The following ARHGEF19 variants were observed in gnomAD, a reference collection of about 807,000 sequenced individuals.
ARHGEF19 encodes the protein Rho guanine nucleotide exchange factor 19.
A neutral mutation model predicts 87.6 loss-of-function variants in ARHGEF19; 92 were observed. The ratio of observed to expected loss-of-function variants is 1.05; its 90% confidence interval spans 0.89 to 1.25. The LOEUF is 1.25. Among genes scored for constraint, ARHGEF19 ranks in the 50% most tolerant of loss-of-function variants. The probability of loss-of-function intolerance (pLI) is 0.00; values close to 1 mark genes in which losing one functional copy is unlikely to be tolerated. For missense variants in ARHGEF19, 1,054 were observed against 1,051.8 expected (o/e 1.00, Z -0.03); for synonymous variants, 438 against 446.2 (o/e 0.98, Z 0.23).
rs374851282 is a variant in ARHGEF19 at position 16,207,947 on chromosome 1, C to G, written c.691G>C (p.Glu231Gln). ...ISGSGTGAAR[E>Q]GKASGMEARS... ...GGCCCATGGGAGGAGCTGGTACCTT[C>G]CCGGGCTGCTCCGGTGCCTGACCCA... Residue 231 changes from glutamate to glutamine, a missense_variant, in exon 3 of 16, where the codon GAA (glutamate) becomes CAA (glutamine). Coordinates refer to ENST00000270747, the MANE Select transcript of ARHGEF19 (RefSeq NM_153213.5). The surrounding 1 kb of genome is among the most constrained non-coding windows in gnomAD (Gnocchi z 4.0). 10 of 1,598,652 alleles carry G rather than the reference C, an allele frequency of 6.3e-6. No homozygotes were observed. In the African/African-American group the frequency reaches 1.3e-4, roughly 22 times the overall value.
chr1:16,211,729 G>A (rs1207401347), intron 1 of ARHGEF19, among the ~76,000 whole-genome samples: 1 of 152,198 alleles, frequency 6.6e-6, no homozygotes, highest in Non-Finnish European at 1.5e-5. Context: ...CAATGCTGGG[G>A]AGCTAAGAGG....
rs369479884 is a variant in ARHGEF19 at position 16,203,691 on chromosome 1, A to C, written c.1907+1068T>G. ...TCCCAAACACACATTCCGCTCTTCT[A>C]CCCTACCATGACTCTGCTGTACTCC... On this transcript the variant is annotated intron_variant, in intron 12 of 15. Transcript: ENST00000270747. Among the ~76,000 whole-genome samples the C allele has an allele frequency of 4.9e-4, 74 of 152,192 alleles. No homozygotes were observed. In the South Asian group the frequency reaches 0.011, roughly 23 times the overall value.
chr1:16,203,024 A>G (rs1462092793), intron 12 of ARHGEF19, among the ~76,000 whole-genome samples: 1 of 151,962 alleles, frequency 6.6e-6, no homozygotes, highest in Non-Finnish European at 1.5e-5. Context: ...CGTCTGTTCC[A>G]AAGAGCCAAC....
chr1:16,209,087 C>T lies in ARHGEF19; in HGVS notation c.-29-4G>A, dbSNP rs1358050729. The T allele has an allele frequency of 2.8e-6, 4 of 1,436,122 alleles. No homozygotes were observed. The Admixed American group carries it at 9.2e-5, about 33-fold the overall frequency. 89.0% of individuals were successfully genotyped at this position (1,436,122 alleles called of 1,614,324 possible). ...TTGCTCTGCCACCCACCTGGCCCTG[C>T]AGAAGAGAAGATATCAGACCTAGAC... On this transcript the variant is annotated splice_polypyrimidine_tract_variant and splice_region_variant and intron_variant, in intron 1 of 15. Transcript: ENST00000270747.
chr1:16,205,386 C>A lies in ARHGEF19; in HGVS notation c.1621G>T (p.Asp541Tyr), dbSNP rs1272836034. Residue 541 changes from aspartate to tyrosine, a missense_variant, in exon 10 of 16, where the codon GAC (aspartate) becomes TAC (tyrosine). Physicochemically the swap from Asp to Tyr is radical, Grantham distance 160 (BLOSUM62 -3). Coordinates refer to ENST00000270747, the MANE Select transcript of ARHGEF19 (RefSeq NM_153213.5). The surrounding 1 kb of genome is among the most constrained non-coding windows in gnomAD (Gnocchi z 5.8). Reference sequence around the variant, plus strand: ...GCATTGAAGGCCTTGGTGGCCATGTCTTCGTCTTCAGAGCCCTGTGCTGTC... The same window carrying A: ...GCATTGAAGGCCTTGGTGGCCATGTATTCGTCTTCAGAGCCCTGTGCTGTC... ...KRTAQGSEDE[D>Y]MATKAFNALK... 1 of 1,613,358 alleles carries A rather than the reference C, an allele frequency of 6.2e-7. No individual in the cohort carries two copies. Among genetic ancestry groups the A allele is most frequent in the African/African-American group, 1.3e-5 (1 of 74,902 alleles).
chr1:16,201,435 AG>A (rs1170411494), intron 14 of ARHGEF19, among the ~76,000 whole-genome samples: 1 of 152,146 alleles, frequency 6.6e-6, no homozygotes, highest in Non-Finnish European at 1.5e-5. Flanking sequence ...ACTGACGCAA[AG>A]ATGGAGACAG....
rs1456443019 is a variant in ARHGEF19, at chr1:16,198,247, C to T, written c.*340G>A. On this transcript the variant is annotated 3_prime_UTR_variant, in exon 16 of 16. Transcript: ENST00000270747. The surrounding 1 kb of genome is among the most constrained non-coding windows in gnomAD (Gnocchi z 4.1). ...AGCACCATCAGCACCAGAACGTTCC[C>T]CAGCCAGGTCCCTGCCAGAAGGACC... The T allele has an allele frequency of 9.8e-6, 2 of 203,632 alleles. No individual in the cohort carries two copies. Among genetic ancestry groups the T allele is most frequent in the Non-Finnish European group, 9.8e-6 (1 of 102,536 alleles). 12.6% of individuals were successfully genotyped at this position (203,632 alleles called of 1,614,324 possible).
intron 14 of ARHGEF19, 96 bp downstream of exon 14, chr1:16,201,686 C>T (rs2081084454): frequency 2.2e-6 from 3 of 1,379,870 alleles, no homozygotes; most frequent in East Asian, 2.5e-5. Context: ...TCTCTCTCCC[C>T]ATAGCCCTGC....
chr1:16,199,310 G>GC, intron 14 of ARHGEF19, 56 bp from the exon 15 acceptor site: 1 of 1,510,192 alleles, frequency 6.6e-7, no homozygotes, highest in African/African-American at 1.4e-5. Context: ...AGGGGGAGGA[G>GC]CATGGGTAGG....
Position 16,208,037 on chromosome 1 carries a change from G to C in ARHGEF19, c.601C>G (p.Leu201Val). ...AGAGAAGAGTGCAGCCGGGTCATCA[G>C]CTCCGATGCCGAGAAGCGCCTCCGC... ...PERRRFSASE[L>V]MTRLHSSLRL... Residue 201 changes from leucine (L) to valine (V), a missense_variant, in exon 3 of 16, where the codon CTG becomes GTG. Coordinates refer to ENST00000270747, the MANE Select transcript of ARHGEF19 (RefSeq NM_153213.5). 6.2e-7 allele frequency: 1 copy of C among 1,613,776 alleles called. No individual in the cohort carries two copies. The highest frequency in any genetic ancestry group is 8.5e-7 in the Non-Finnish European group (1 of 1,180,028).
rs2081085453 is a variant in ARHGEF19, at chr1:16,201,787, C to T, written c.2141G>A (p.Gly714Glu). ...CAGCAGGGATGAGCTACTACCTTCC[C>T]CCTCACTGATGACCTCCTTGTCCTC... ...PQEDKEVISE[G>E]EDCPQVQCVR... Residue 714 changes from glycine (G) to glutamate (E), a missense_variant, in exon 14 of 16, where the codon GGG (glycine) becomes GAG (glutamate). Gly to Glu is a moderately conservative substitution (Grantham distance 98). Transcript: ENST00000270747. 2 of 1,613,642 alleles carry T rather than the reference C, an allele frequency of 1.2e-6. No homozygotes were observed. Among genetic ancestry groups the T allele is most frequent in the Non-Finnish European group, 1.7e-6 (2 of 1,179,730 alleles).
In ARHGEF19 at chr1:16,206,726, C is replaced by A. The variant is rs1190690166; in HGVS notation, c.1137+222G>T. Among the ~76,000 whole-genome samples the A allele has an allele frequency of 6.6e-6, 1 of 152,072 alleles. No individual in the cohort carries two copies. The highest frequency in any genetic ancestry group is 1.5e-5 in the Non-Finnish European group (1 of 67,998). ...TCCCGCTGGCTCCGCCCCCTACCCG[C>A]ACCCAAGCCCGGCTCCCCTCGCCTC... is the stretch of plus-strand genomic sequence containing the variant. On this transcript the variant is annotated intron_variant, in intron 6 of 15. Coordinates refer to ENST00000270747, the MANE Select transcript of ARHGEF19 (RefSeq NM_153213.5). This position sits in a 1 kb window ranked among gnomAD's most constrained non-coding sequence, Gnocchi z 4.6.
At position 16,207,729 on chromosome 1, in the gene ARHGEF19, C is replaced by T. The variant is rs754880936; in HGVS notation, c.743G>A (p.Arg248Gln). Residue 248 changes from arginine to glutamine, a missense_variant, in exon 4 of 16, where the codon CGG becomes CAG. Arg to Gln is a conservative substitution (Grantham distance 43). Transcript: ENST00000270747. This position sits in a 1 kb window ranked among gnomAD's most constrained non-coding sequence, Gnocchi z 4.0. ...EARSVEMSGD[R>Q]VSRPAPGDSR... ...GTCACCAGGGGCTGGCCGCGACACC[C>T]GGTCCCCGCTCATCTCTACACTTCG... is the stretch of plus-strand genomic sequence containing the variant. The T allele has an allele frequency of 4.3e-6, 7 of 1,613,924 alleles. No homozygotes were observed. The highest frequency in any genetic ancestry group is 3.3e-5 in the Admixed American group (2 of 60,008).
rs2081139151 is a variant in ARHGEF19 at position 16,206,672 on chromosome 1, C to T, written c.1137+276G>A. The T allele has an allele frequency of 3.7e-6, 2 of 538,102 alleles. No individual in the cohort carries two copies. Among genetic ancestry groups the T allele is most frequent in the Non-Finnish European group, 6.5e-6 (2 of 307,140 alleles). 33.3% of individuals were successfully genotyped at this position (538,102 alleles called of 1,614,324 possible). ...TTGCTCTTCCAATGGTTCCGCTCCT[C>T]ATCCGGCCCTGTCCTATCCTAGGTT... On this transcript the variant is annotated intron_variant, in intron 6 of 15. Transcript: ENST00000270747. The surrounding 1 kb of genome is among the most constrained non-coding windows in gnomAD (Gnocchi z 4.6).
At position 16,205,712 on chromosome 1, in the gene ARHGEF19, C is replaced by A; in HGVS notation, c.1452-45G>T. On this transcript the variant is annotated intron_variant, in intron 8 of 15. Coordinates refer to ENST00000270747, the MANE Select transcript of ARHGEF19 (RefSeq NM_153213.5). The surrounding 1 kb of genome is among the most constrained non-coding windows in gnomAD (Gnocchi z 5.8). ...CTGGAATCACAGGTAGGCCTGAATT[C>A]CTGGGATCCACAACCCTGGCCATCC... The A allele has an allele frequency of 6.4e-7, 1 of 1,565,000 alleles. No individual in the cohort carries two copies. Among genetic ancestry groups the A allele is most frequent in the Non-Finnish European group, 8.6e-7 (1 of 1,156,904 alleles).
rs2100288410 is a variant in ARHGEF19, at chr1:16,208,100, A to G, written c.538T>C (p.Leu180=). The G allele has an allele frequency of 1.2e-6, 2 of 1,613,618 alleles. No homozygotes were observed. Among genetic ancestry groups the G allele is most frequent in the Non-Finnish European group, 1.7e-6 (2 of 1,179,878 alleles). ...ALSTEEPRVE[L]SGSTRVSLEG... is the part of the protein sequence containing the mutation. ...AGGCTCACTCGGGTGGACCCAGACA[A>G]CTCCACCCTGGGCTCCTCTGTGCTC... Residue 180 remains leucine, a synonymous_variant, in exon 3 of 16, where the codon TTG becomes CTG. Transcript: ENST00000270747.
Position 16,207,435 on chromosome 1 carries a change from C to T in ARHGEF19, c.874+87G>A. On this transcript the variant is annotated intron_variant, in intron 5 of 15. Transcript: ENST00000270747. This position sits in a 1 kb window ranked among gnomAD's most constrained non-coding sequence, Gnocchi z 4.0. ...TCCGTTTCTCACTCGATCCCTACCT[C>T]TCAACTCTCCAAACCCTCTTTTCCC... 4 of 1,539,322 alleles carry T rather than the reference C, an allele frequency of 2.6e-6. No homozygotes were observed. Among genetic ancestry groups the T allele is most frequent in the Non-Finnish European group, 3.6e-6 (4 of 1,125,582 alleles).
Position 16,208,778 on chromosome 1 carries a change from C to G in ARHGEF19, c.277G>C (p.Gly93Arg). 1 of 1,613,380 alleles carries G rather than the reference C, an allele frequency of 6.2e-7. No homozygotes were observed. The highest frequency in any genetic ancestry group is 8.5e-7 in the Non-Finnish European group (1 of 1,179,760). ...CTGCCAGCCCTGCTGGGCCGCATCC[C>G]CCCGCTGGTGATCTCTGTATCTGAG... Reference protein sequence around the residue: ...GGSDTEITSGGMRPSRAGSWP... With the variant: ...GGSDTEITSGRMRPSRAGSWP... Residue 93 changes from glycine to arginine, a missense_variant, in exon 2 of 16, where the codon GGG becomes CGG. Physicochemically the swap from Gly to Arg is moderately radical, Grantham distance 125. Transcript: ENST00000270747.
At position 16,198,840 on chromosome 1, in the gene ARHGEF19, C is replaced by G. The variant is rs1475768509; in HGVS notation, c.2252-96G>C. Reference sequence around the variant, plus strand: ...AGCCCTGATGCAAGCTTTGTCTGCACCCTTGGGGCCAAGGTGACATCATCT... The same window carrying G: ...AGCCCTGATGCAAGCTTTGTCTGCAGCCTTGGGGCCAAGGTGACATCATCT... On this transcript the variant is annotated intron_variant, in intron 15 of 15. Transcript: ENST00000270747. The surrounding 1 kb of genome is among the most constrained non-coding windows in gnomAD (Gnocchi z 4.1). 8.3e-6 allele frequency: 12 copies of G among 1,442,598 alleles called. No individual in the cohort carries two copies. Among genetic ancestry groups the G allele is most frequent in the Non-Finnish European group, 1.1e-5 (12 of 1,074,580 alleles). 89.4% of individuals were successfully genotyped at this position (1,442,598 alleles called of 1,614,324 possible).
Sources: gnomAD v4.1 joint callset for allele counts (sites outside exome capture counted in the v4.1 genomes callset) on GRCh38, gnomAD v4.1.1 for gene constraint, Gnocchi (gnomAD v3.1) non-coding constraint, MANE v1.5 for transcripts, NCBI Gene and HGNC (gene_info 2026-07-23, HGNC 2026-07-21) for gene names.